Variants in FRAS1 observed in about 807,000 individuals in gnomAD.
FRAS1 encodes the protein Fraser extracellular matrix complex subunit 1.
In FRAS1, 290 loss-of-function variants were observed where a neutral mutation model predicts 435.2. The observed-to-expected ratio is 0.67, with a 90% CI of 0.61 to 0.73. The LOEUF (loss-of-function observed/expected upper bound fraction) is 0.73, where lower values mean the gene tolerates loss of function less well. FRAS1 is among the 30% of genes least tolerant of loss of function. The pLI, the probability that FRAS1 is intolerant of heterozygous loss-of-function variation, is 0.00. For missense variants in FRAS1, 4,860 were observed against 5,001.5 expected, an observed-to-expected ratio of 0.97 and a Z score of 0.85; for synonymous variants, 1,800 against 1,851.0, an observed-to-expected ratio of 0.97 and a Z score of 0.71.
At chr4:78,154,507 A>G (rs930792123) in intron 2 of FRAS1, among the ~76,000 whole-genome samples, 4 of 152,186 alleles carry the variant, frequency 2.6e-5, no homozygotes, top group Non-Finnish European at 5.9e-5. Flanking sequence ...AAAGCTATTA[A>G]TGTTTGCATG....
rs1719655872 is a variant in FRAS1 at position 78,470,067 on chromosome 4, G to A, written c.7347G>A (p.Gln2449=). 2 of 1,613,114 alleles carry A rather than the reference G, an allele frequency of 1.2e-6. No individual in the cohort carries two copies. Among genetic ancestry groups the A allele is most frequent in the Non-Finnish European group, 8.5e-7 (1 of 1,179,502 alleles). The part of the protein sequence containing the change: ...TPRIVTNLGL[Q]WLEYMDGKAT... Reference sequence around the variant, plus strand: ...GAATTGTCACCAACCTGGGACTCCAGTGGCTGGAATACATGGATGGCAAGG... The same window carrying A: ...GAATTGTCACCAACCTGGGACTCCAATGGCTGGAATACATGGATGGCAAGG... Residue 2449 remains glutamine (Q), a synonymous_variant, in exon 51 of 74, where the codon CAG becomes CAA. Transcript: ENST00000512123.
At chr4:78,337,943 T>G (rs1730242121) in intron 20 of FRAS1, 126 bp downstream of exon 20, 1 of 869,492 alleles carries the variant, frequency 1.2e-6, no homozygotes, top group African/African-American at 1.7e-5. Flanking sequence ...TTGTTTCATG[T>G]CTGGAAACTC....
intron 25 of FRAS1, 122 bp from the exon 26 acceptor site, chr4:78,375,617 T>A (rs1731727819): frequency 1.3e-6 from 1 of 778,682 alleles, no homozygotes; most frequent in Non-Finnish European, 2.0e-6. Context: ...CAGTATTCTC[T>A]TTTGTTACAG....
chr4:78,300,251 T>G (rs1189826910), intron 14 of FRAS1, among the ~76,000 whole-genome samples: 3 of 152,200 alleles, frequency 2.0e-5, no homozygotes, highest in Non-Finnish European at 2.9e-5. Flanking sequence ...TAACTAAAAC[T>G]TATCCAAAGC....
At chr4:78,287,723 G>A (rs529793027) in intron 14 of FRAS1, among the ~76,000 whole-genome samples, 6 of 152,282 alleles carry the variant, frequency 3.9e-5, no homozygotes, top group South Asian at 2.1e-4. Flanking sequence ...ATGAGCACTC[G>A]GGCCATATGC....
At chr4:78,529,494 C>CA (rs1268012881) in intron 70 of FRAS1, among the ~76,000 whole-genome samples, 1 of 152,112 alleles carries the variant, frequency 6.6e-6, no homozygotes, top group African/African-American at 2.4e-5. Context: ...CCACTAGGGT[C>CA]ACCACTAACC....
rs772311133 is a variant in FRAS1 at position 78,511,395 on chromosome 4, G to T, written c.9902G>T (p.Ser3301Ile). ...RSNIVTIGTD[S>I]AICHTPVVAG... is the part of the protein sequence containing the mutation. ...AACATTGTTACCATTGGAACAGACA[G>T]TGCTATCTGCCACACACCAGTGGTG... Residue 3301 changes from serine (S) to isoleucine (I), a missense_variant, in exon 64 of 74, where the codon AGT becomes ATT. By Grantham distance (142) the Ser-to-Ile change is moderately radical. Coordinates refer to ENST00000512123, the MANE Select transcript of FRAS1 (RefSeq NM_025074.7). 5 of 1,614,000 alleles carry T rather than the reference G, an allele frequency of 3.1e-6. No homozygotes were observed. The Admixed American group carries it at 8.3e-5, about 27-fold the overall frequency.
At chr4:78,447,619 G>A (rs1003192859) in intron 43 of FRAS1, among the ~76,000 whole-genome samples, 6 of 152,132 alleles carry the variant, frequency 3.9e-5, no homozygotes, top group African/African-American at 1.4e-4. Flanking sequence ...ATCTAAAGAT[G>A]CTTAGTGTCT....
chr4:78,127,176 C>A (rs1719409793), intron 2 of FRAS1, among the ~76,000 whole-genome samples: 1 of 151,538 alleles, frequency 6.6e-6, no homozygotes, highest in African/African-American at 2.4e-5. Flanking sequence ...GTGGGGTGAG[C>A]TGGGGAGAGA....
chr4:78,265,955 G>A lies in FRAS1; in HGVS notation c.687+847G>A, dbSNP rs146085311. ...GGATTTTTATATGTGCTAGATCTGT[G>A]CTGCCTGACACAGTGGCCACATATG... On this transcript the variant is annotated intron_variant, in intron 7 of 73. Coordinates refer to ENST00000512123, the MANE Select transcript of FRAS1 (RefSeq NM_025074.7). Among the ~76,000 whole-genome samples, 1,313 of 152,284 alleles carry A rather than the reference G, an allele frequency of 8.6e-3. 8 individuals carry two copies. Among genetic ancestry groups the A allele is most frequent in the Middle Eastern group, 0.017 (5 of 292 alleles).
intron 2 of FRAS1, among the ~76,000 whole-genome samples, chr4:78,232,884 T>A (rs1724577641): frequency 6.6e-6 from 1 of 152,206 alleles, no homozygotes; most frequent in Non-Finnish European, 1.5e-5. Flanking sequence ...GATCTCCTTG[T>A]TTGAAGAGTC....
At chr4:78,374,307 CAT>C in intron 25 of FRAS1, 56 bp downstream of exon 25, 1 of 1,475,732 alleles carries the variant, frequency 6.8e-7, no homozygotes, top group Non-Finnish European at 9.2e-7. Context: ...AAGTAAGTCA[CAT>C]GTGCTGACTC....
chr4:78,118,957 G>A (rs1464548292), intron 2 of FRAS1, among the ~76,000 whole-genome samples: 1 of 152,056 alleles, frequency 6.6e-6, no homozygotes, highest in South Asian at 2.1e-4. Context: ...AGCCATCTTG[G>A]CTCCACCACC....
chr4:78,504,334 A>G (rs1720768450), intron 61 of FRAS1, among the ~76,000 whole-genome samples: 1 of 152,178 alleles, frequency 6.6e-6, no homozygotes, highest in Admixed American at 6.5e-5. Context: ...AAAGTCTCCC[A>G]TTATTATTGT....
chr4:78,430,528 A>G, intron 37 of FRAS1, 111 bp downstream of exon 37: 2 of 1,089,652 alleles, frequency 1.8e-6, no homozygotes, highest in Non-Finnish European at 2.6e-6. Context: ...GATACAGACT[A>G]TGAGGAGCTA....
chr4:78,305,325 G>A (rs796166495), intron 14 of FRAS1, among the ~76,000 whole-genome samples: 2,647 of 151,274 alleles, frequency 0.017, 26 homozygotes, highest in Non-Finnish European at 0.026. Context: ...GTGCTGAAAA[G>A]AATGTATATT....
intron 1 of FRAS1, among the ~76,000 whole-genome samples, chr4:78,065,451 G>A (rs1479593091): frequency 6.6e-6 from 1 of 152,014 alleles, no homozygotes; most frequent in African/African-American, 2.4e-5. Flanking sequence ...GAGCTCAGAG[G>A]AGCATAATCT....
In FRAS1 at chr4:78,466,341, G is replaced by C; in HGVS notation, c.7163G>C (p.Ser2388Thr). Residue 2388 changes from serine to threonine, a missense_variant, in exon 50 of 74, where the codon AGC becomes ACC. By Grantham distance (58) the Ser-to-Thr change is moderately conservative. Coordinates refer to ENST00000512123, the MANE Select transcript of FRAS1 (RefSeq NM_025074.7). Reference sequence around the variant, plus strand: ...ATCTACCAGAACCGGGTCAGCTACAGCCATGACGGCAGTAACTCCCTCAAG... The same window carrying C: ...ATCTACCAGAACCGGGTCAGCTACACCCATGACGGCAGTAACTCCCTCAAG... ...KDIYQNRVSY[S>T]HDGSNSLKDR... is the part of the protein sequence containing the mutation. 2 of 1,613,880 alleles carry C rather than the reference G, an allele frequency of 1.2e-6. No individual in the cohort carries two copies. The highest frequency in any genetic ancestry group is 1.7e-6 in the Non-Finnish European group (2 of 1,179,814).
In FRAS1 at chr4:78,445,789, G is replaced by T. The variant is rs746168689; in HGVS notation, c.5856+77G>T. On this transcript the variant is annotated intron_variant, in intron 42 of 73. Coordinates refer to ENST00000512123, the MANE Select transcript of FRAS1 (RefSeq NM_025074.7). Reference sequence around the variant, plus strand: ...ACCATTAGAGAGCTTTCTTTATAGGGACTCAAAAGCAAAGAAGATTGGATT... The same window carrying T: ...ACCATTAGAGAGCTTTCTTTATAGGTACTCAAAAGCAAAGAAGATTGGATT... 2.7e-6 allele frequency: 4 copies of T among 1,495,040 alleles called. No homozygotes were observed. Among genetic ancestry groups the T allele is most frequent in the Non-Finnish European group, 3.6e-6 (4 of 1,117,474 alleles). The allele number at this position is 1,495,040 out of a possible 1,614,324, so 92.6% of individuals were successfully genotyped here. A position where few individuals can be genotyped will look rare whatever the true frequency, so the allele number is the denominator to read the frequency against.
Sources: allele counts gnomAD v4.1 joint callset (sites outside exome capture counted in the v4.1 genomes callset), GRCh38; gene constraint gnomAD v4.1.1; transcripts MANE v1.5; gene names NCBI Gene and HGNC (gene_info 2026-07-23, HGNC 2026-07-21).